The following MDGA2 variants were observed in gnomAD, a reference collection of about 807,000 sequenced individuals.
The protein encoded by MDGA2 is MAM domain-containing glycosylphosphatidylinositol anchor protein 2.
MDGA2 carries 40 observed loss-of-function variants against 117.8 expected under a neutral mutation model. That is an observed-to-expected ratio of 0.34 (90% CI 0.26 to 0.44). The LOEUF (loss-of-function observed/expected upper bound fraction) is 0.44. MDGA2 is among the 20% of genes least tolerant of loss of function. The pLI, the probability that MDGA2 is intolerant of heterozygous loss-of-function variation, is 1.00. For synonymous variants in MDGA2, 452 were observed against 439.0 expected (o/e 1.03, Z -0.37); for missense variants, 1,123 against 1,250.6 (o/e 0.90, Z 1.54).
chr14:47,275,839 A>T (rs141151678), intron 2 of MDGA2, among the ~76,000 whole-genome samples: 58 of 152,264 alleles, frequency 3.8e-4, no homozygotes, highest in African/African-American at 1.3e-3. Flanking sequence ...GCATGAGAGC[A>T]GCCTGCGTAA....
chr14:47,173,176 G>C (rs1455014219), intron 3 of MDGA2, among the ~76,000 whole-genome samples: 2 of 152,326 alleles, frequency 1.3e-5, no homozygotes, highest in African/African-American at 2.4e-5. Flanking sequence ...CGTCTGATTG[G>C]TGTACGTGAA....
intron 8 of MDGA2, among the ~76,000 whole-genome samples, chr14:47,019,260 G>A (rs2138575398): frequency 6.6e-6 from 1 of 152,206 alleles, no homozygotes; most frequent in Middle Eastern, 3.4e-3. Flanking sequence ...TATAATGTAG[G>A]AAGAATCATC....
intron 10 of MDGA2, among the ~76,000 whole-genome samples, chr14:46,885,623 T>C (rs1595020813): frequency 2.0e-5 from 3 of 152,128 alleles, no homozygotes; most frequent in Admixed American, 6.6e-5. Context: ...AACCAGAGGA[T>C]TGGGGTGGGA....
At chr14:46,963,912 G>T (rs1885911201) in intron 8 of MDGA2, among the ~76,000 whole-genome samples, 2 of 152,164 alleles carry the variant, frequency 1.3e-5, no homozygotes, top group South Asian at 4.1e-4. Flanking sequence ...GAGTAAAGAT[G>T]TACACATTCT....
At chr14:47,019,731 C>G (rs1445675445) in intron 8 of MDGA2, among the ~76,000 whole-genome samples, 1 of 151,572 alleles carries the variant, frequency 6.6e-6, no homozygotes, top group Admixed American at 6.6e-5. Context: ...GTAGTCCCAG[C>G]TACTCAGGAC....
intron 9 of MDGA2, among the ~76,000 whole-genome samples, chr14:46,929,481 C>CT (rs1884451368): frequency 6.7e-6 from 1 of 149,492 alleles, no homozygotes; most frequent in African/African-American, 2.5e-5. Flanking sequence ...CTAATTATTC[C>CT]TCAAGGTGAA....
intron 1 of MDGA2, among the ~76,000 whole-genome samples, chr14:47,672,907 T>C (rs1898101401): frequency 2.0e-5 from 3 of 152,136 alleles, no homozygotes; most frequent in Admixed American, 6.5e-5. Context: ...CTGTTGTCAG[T>C]CAAACCTTGA....
At chr14:47,070,098 T>C (rs1469055920) in intron 6 of MDGA2, among the ~76,000 whole-genome samples, 1 of 152,194 alleles carries the variant, frequency 6.6e-6, no homozygotes, top group Non-Finnish European at 1.5e-5. Context: ...TATTTTTAAA[T>C]GTACAATTAA....
At chr14:47,642,597 A>G (rs890201944) in intron 1 of MDGA2, among the ~76,000 whole-genome samples, 1 of 151,966 alleles carries the variant, frequency 6.6e-6, no homozygotes, top group Admixed American at 6.6e-5. Context: ...GTGTTCCTAA[A>G]TCCATATTAT....
chr14:47,098,261 GAAAA>G (rs71112482), intron 5 of MDGA2, among the ~76,000 whole-genome samples: 2 of 89,322 alleles, frequency 2.2e-5, no homozygotes, highest in African/African-American at 4.2e-5. Flanking sequence ...TGCCGTGTTT[GAAAA>G]AAAAAAAAAA....
chr14:47,018,048 C>A (rs1259093911), intron 8 of MDGA2, among the ~76,000 whole-genome samples: 1 of 152,092 alleles, frequency 6.6e-6, no homozygotes, highest in East Asian at 1.9e-4. Context: ...CATATATACT[C>A]ACACACTATA....
At chr14:47,340,413 A>T (rs1890586974) in intron 1 of MDGA2, among the ~76,000 whole-genome samples, 1 of 152,160 alleles carries the variant, frequency 6.6e-6, no homozygotes, top group African/African-American at 2.4e-5. Context: ...AAATAGCCAA[A>T]ATACTAATTT....
chr14:47,479,303 A>T (rs1220808054), intron 1 of MDGA2, among the ~76,000 whole-genome samples: 1 of 152,104 alleles, frequency 6.6e-6, no homozygotes, highest in Non-Finnish European at 1.5e-5. Context: ...TATTGTCCAT[A>T]AACCCAAAGG....
intron 10 of MDGA2, among the ~76,000 whole-genome samples, chr14:46,916,173 C>A (rs1394694851): frequency 6.6e-6 from 1 of 152,070 alleles, no homozygotes; most frequent in African/African-American, 2.4e-5. Flanking sequence ...GTAACATCCG[C>A]CACATAGATA....
chr14:46,921,283 A>T (rs1424346228), intron 9 of MDGA2, among the ~76,000 whole-genome samples: 1 of 152,054 alleles, frequency 6.6e-6, no homozygotes, highest in Non-Finnish European at 1.5e-5. Flanking sequence ...CACTCATTTA[A>T]CATCTTTTCT....
intron 8 of MDGA2, among the ~76,000 whole-genome samples, chr14:46,999,573 G>T (rs1007243004): frequency 1.3e-5 from 2 of 151,986 alleles, no homozygotes; most frequent in Admixed American, 1.3e-4. Flanking sequence ...TTGCAGTGAG[G>T]TAAACTTACT....
intron 1 of MDGA2, among the ~76,000 whole-genome samples, chr14:47,669,388 G>C (rs895701717): frequency 3.3e-5 from 5 of 152,056 alleles, no homozygotes; most frequent in Non-Finnish European, 5.9e-5. Flanking sequence ...TCTAAACTCT[G>C]GCACTCTCAC....
intron 8 of MDGA2, among the ~76,000 whole-genome samples, chr14:46,970,245 C>T (rs1463544415): frequency 6.6e-6 from 1 of 151,756 alleles, no homozygotes; most frequent in African/African-American, 2.4e-5. Flanking sequence ...ATAGCCAAAG[C>T]AATCCTAAGC....
intron 3 of MDGA2, among the ~76,000 whole-genome samples, chr14:47,148,305 T>C (rs1883026134): frequency 6.6e-6 from 1 of 152,176 alleles, no homozygotes; most frequent in African/African-American, 2.4e-5. Context: ...AGTAGGTCAC[T>C]GGATGTGATG....
Sources: gnomAD v4.1 joint callset for allele counts (sites outside exome capture counted in the v4.1 genomes callset) on GRCh38, gnomAD v4.1.1 for gene constraint, MANE v1.5 for transcripts, NCBI Gene and HGNC (gene_info 2026-07-23, HGNC 2026-07-21) for gene names.